SLC24A2: variants seen among roughly 807,000 people sequenced by gnomAD.
SLC24A2 encodes solute carrier family 24 member 2, also known as sodium/potassium/calcium exchanger 2.
In SLC24A2, 36 loss-of-function variants were observed where a neutral mutation model predicts 62.0. The observed-to-expected ratio is 0.58, with a 90% CI of 0.44 to 0.77. The LOEUF (loss-of-function observed/expected upper bound fraction) is 0.77, where lower values mean the gene tolerates loss of function less well. Ranked by LOEUF, SLC24A2 falls within the 30% of genes least tolerant of loss-of-function variation. The probability of loss-of-function intolerance (pLI) is 0.00; values close to 1 mark genes in which losing one functional copy is unlikely to be tolerated. For missense variants in SLC24A2, 846 were observed against 817.9 expected (o/e 1.03, Z -0.42); for synonymous variants, 358 against 294.0 (o/e 1.22, Z -2.23).
the SLC24A2 span, among the ~76,000 whole-genome samples, chr9:20,035,604 G>C: frequency 6.6e-6 from 1 of 151,988 alleles, no homozygotes; most frequent in East Asian, 1.9e-4. Context: ...AAATAAAAAA[G>C]TTAGCTGGGT....
the SLC24A2 span, among the ~76,000 whole-genome samples, chr9:20,196,952 T>C: frequency 6.6e-6 from 1 of 152,242 alleles, no homozygotes; most frequent in Admixed American, 6.5e-5. Context: ...TAGCATTATA[T>C]AAACAAGGCA....
chr9:19,837,311 G>A, the SLC24A2 span, among the ~76,000 whole-genome samples: 1 of 150,964 alleles, frequency 6.6e-6, no homozygotes, highest in Non-Finnish European at 1.5e-5. Context: ...AATTAGCCGG[G>A]TGCGGTGGCG....
chr9:19,678,175 G>C (rs183404051), intron 2 of SLC24A2, among the ~76,000 whole-genome samples: 1 of 152,222 alleles, frequency 6.6e-6, no homozygotes, highest in Non-Finnish European at 1.5e-5. Flanking sequence ...CAAGCCTAGC[G>C]CAGAGCAGGT....
At chr9:19,948,761 C>T in the SLC24A2 span, among the ~76,000 whole-genome samples, 6 of 141,854 alleles carry the variant, frequency 4.2e-5, no homozygotes, top group South Asian at 7.0e-4. Context: ...AGGAGAATGG[C>T]GTGAACCCGG....
intron 2 of SLC24A2, among the ~76,000 whole-genome samples, chr9:19,781,043 G>A (rs1044830179): frequency 2.0e-4 from 30 of 152,210 alleles, no homozygotes; most frequent in African/African-American, 6.7e-4. Flanking sequence ...AAATGTTACA[G>A]TAATCATAGT....
At chr9:19,549,278 G>C (rs1490468480) in intron 8 of SLC24A2, among the ~76,000 whole-genome samples, 2 of 152,124 alleles carry the variant, frequency 1.3e-5, no homozygotes. Context: ...CAAACGCTGT[G>C]GGGGTTTTAA....
At chr9:20,077,023 G>C in the SLC24A2 span, among the ~76,000 whole-genome samples, 1 of 151,156 alleles carries the variant, frequency 6.6e-6, no homozygotes, top group Non-Finnish European at 1.5e-5. Flanking sequence ...AAGGCCTTCA[G>C]CTAATGAAAT....
the SLC24A2 span, among the ~76,000 whole-genome samples, chr9:20,007,869 T>A: frequency 7.0e-6 from 1 of 143,860 alleles, no homozygotes; most frequent in Non-Finnish European, 1.5e-5. Flanking sequence ...TTAATTCTTC[T>A]TACTCCTCTC....
the SLC24A2 span, among the ~76,000 whole-genome samples, chr9:19,820,038 TATACATATATATATATAC>T: frequency 0.58 from 62,249 of 106,426 alleles, 19,085 homozygotes; most frequent in Non-Finnish European, 0.71. Flanking sequence ...CATATATATA[TATACATATATATATATAC>T]ACATATATAT....
chr9:19,680,086 G>A (rs994083774), intron 2 of SLC24A2, among the ~76,000 whole-genome samples: 1 of 152,038 alleles, frequency 6.6e-6, no homozygotes, highest in Non-Finnish European at 1.5e-5. Flanking sequence ...CTGTGTGCCA[G>A]ACAATATTAT....
At chr9:19,858,379 T>C in the SLC24A2 span, among the ~76,000 whole-genome samples, 1 of 152,104 alleles carries the variant, frequency 6.6e-6, no homozygotes, top group African/African-American at 2.4e-5. Flanking sequence ...GACCTAAATA[T>C]AAAACTTAAA....
intron 4 of SLC24A2, among the ~76,000 whole-genome samples, chr9:19,604,032 T>C (rs866823815): frequency 4.4e-4 from 67 of 152,244 alleles, no homozygotes; most frequent in African/African-American, 1.5e-3. Context: ...AAAGAGTCAT[T>C]GTACGCATTT....
the SLC24A2 span, among the ~76,000 whole-genome samples, chr9:20,274,234 G>C: frequency 6.6e-6 from 1 of 152,238 alleles, no homozygotes; most frequent in South Asian, 2.1e-4. Context: ...TATGGATATA[G>C]CCAAAACAGG....
At chr9:20,036,055 T>G in the SLC24A2 span, among the ~76,000 whole-genome samples, 1 of 152,218 alleles carries the variant, frequency 6.6e-6, no homozygotes, top group South Asian at 2.1e-4. Context: ...GGGGAGAGAA[T>G]GAAATGTCTA....
At chr9:19,520,846 G>T (rs896159183) in intron 10 of SLC24A2, 48 bp downstream of exon 10, 1 of 1,581,494 alleles carries the variant, frequency 6.3e-7, no homozygotes, top group South Asian at 1.1e-5. Context: ...AGAAGACAAA[G>T]ACACTGGTGG....
At chr9:19,658,980 T>G (rs1819017185) in intron 2 of SLC24A2, among the ~76,000 whole-genome samples, 1 of 152,184 alleles carries the variant, frequency 6.6e-6, no homozygotes, top group Admixed American at 6.5e-5. Flanking sequence ...ACTCTACTGT[T>G]TACAAGTTGA....
At chr9:20,111,985 G>A in the SLC24A2 span, among the ~76,000 whole-genome samples, 3 of 152,028 alleles carry the variant, frequency 2.0e-5, no homozygotes, top group Non-Finnish European at 2.9e-5. Context: ...GGAAAACCAC[G>A]CTTCCAGATA....
At chr9:20,281,507 A>G in the SLC24A2 span, among the ~76,000 whole-genome samples, 1 of 152,180 alleles carries the variant, frequency 6.6e-6, no homozygotes, top group African/African-American at 2.4e-5. Context: ...GAAAAACCAT[A>G]ATGCTGATGT....
chr9:20,203,717 A>C, the SLC24A2 span, among the ~76,000 whole-genome samples: 17,774 of 151,692 alleles, frequency 0.12, 2,166 homozygotes, highest in East Asian at 0.6. Flanking sequence ...AAGAAAGAAG[A>C]AGCAGCAGCA....
Sources: gnomAD v4.1 joint callset for allele counts (sites outside exome capture counted in the v4.1 genomes callset) on GRCh38, gnomAD v4.1.1 for gene constraint, MANE v1.5 for transcripts, NCBI Gene and HGNC (gene_info 2026-07-23, HGNC 2026-07-21) for gene names.